PHF14: variants seen among roughly 807,000 people sequenced by gnomAD.
PHF14 encodes the protein PHD finger protein 14.
Under a neutral mutation model 117.9 loss-of-function variants are expected in PHF14, and 55 were observed. That is an observed-to-expected ratio of 0.47 (90% confidence interval 0.38 to 0.58). PHF14 has a LOEUF of 0.58. Among genes scored for constraint, PHF14 ranks in the 20% least tolerant of loss-of-function variants. The pLI, the probability that PHF14 is intolerant of heterozygous loss-of-function variation, is 0.00. For synonymous variants in PHF14, 409 were observed against 368.6 expected, an observed-to-expected ratio of 1.11 and a Z score of -1.26; for missense variants, 978 against 1,122.2, an observed-to-expected ratio of 0.87 and a Z score of 1.84.
chr7:11,091,044 G>A (rs1159148875), intron 16 of PHF14, among the ~76,000 whole-genome samples: 1 of 152,150 alleles, frequency 6.6e-6, no homozygotes, highest in African/African-American at 2.4e-5. Flanking sequence ...GTCCAATGGA[G>A]ATTTATTGAA....
chr7:10,989,427 A>G (rs1583334459), intron 3 of PHF14, among the ~76,000 whole-genome samples: 1 of 152,122 alleles, frequency 6.6e-6, no homozygotes, highest in Non-Finnish European at 1.5e-5. Flanking sequence ...ATTTCTGAAT[A>G]TTGTTAGGTT....
chr7:11,007,784 C>CT (rs895347428), intron 4 of PHF14, among the ~76,000 whole-genome samples: 8 of 151,824 alleles, frequency 5.3e-5, no homozygotes, highest in Admixed American at 1.3e-4. Context: ...CTTTTATCTC[C>CT]TTTTTTTTGA....
intron 6 of PHF14, among the ~76,000 whole-genome samples, chr7:11,023,264 A>G (rs1237427569): frequency 6.6e-6 from 1 of 152,190 alleles, no homozygotes; most frequent in African/African-American, 2.4e-5. Context: ...CCAAAACCTT[A>G]TTTACAATTA....
At chr7:11,006,451 A>C (rs1783100403) in intron 4 of PHF14, 1 of 534,218 alleles carries the variant, frequency 1.9e-6, no homozygotes, top group Admixed American at 1.9e-5. Flanking sequence ...ATCAGGAGCC[A>C]GTCGAACATA....
At chr7:11,028,649 G>T in intron 6 of PHF14, 32 bp from the exon 7 acceptor site, 1 of 1,609,140 alleles carries the variant, frequency 6.2e-7, no homozygotes, top group Middle Eastern at 1.7e-4. Context: ...AAATAAGTTT[G>T]CTTTGAGAAT....
chr7:11,131,338 GT>G (rs930003270), intron 17 of PHF14, among the ~76,000 whole-genome samples: 6 of 151,764 alleles, frequency 4.0e-5, no homozygotes, highest in Non-Finnish European at 8.8e-5. Context: ...TGCTGTCAGT[GT>G]TTTAGATTTT....
chr7:11,014,817 T>G (rs1295125788), intron 5 of PHF14: 2 of 152,080 alleles, frequency 1.3e-5, no homozygotes, highest in Non-Finnish European at 2.9e-5. Context: ...GTGTTCTTTT[T>G]ACTACATTCA....
chr7:11,111,462 TC>T lies in PHF14; in HGVS notation c.2769del (p.Lys924ArgfsTer40), dbSNP rs1271026801. 2.6e-6 allele frequency: 4 copies of T among 1,526,284 alleles called. No homozygotes were observed. Among genetic ancestry groups the T allele is most frequent in the Non-Finnish European group, 3.6e-6 (4 of 1,104,776 alleles). The allele number at this position is 1,526,284 out of a possible 1,614,324, so 94.5% of individuals were successfully genotyped here. A position where few individuals can be genotyped will look rare whatever the true frequency, so the allele number is the denominator to read the frequency against. Reference sequence around the variant, plus strand: ...ATGTCAGGAATGTGATTCTTCATCTTCCAAGGTAAGGGGAGAAGTCTATAAG... The same window carrying T: ...ATGTCAGGAATGTGATTCTTCATCTTCAAGGTAAGGGGAGAAGTCTATAAG... Reference protein sequence around the residue: ...WICQECDSSSSKEDENEAERK... With the variant: ...WICQECDSSSXKEDENEAERK... On this transcript the variant is annotated frameshift_variant, in exon 17 of 18. Transcript: ENST00000634607. LOFTEE classifies it high-confidence loss of function.
rs147851171 is a variant in PHF14, at chr7:11,072,658, A to G, written c.2654+10573A>G. 5.5e-4 allele frequency among the ~76,000 whole-genome samples: 83 copies of G among 152,078 alleles called. 2 individuals are homozygous for G. The East Asian group carries it at 0.011, about 20-fold the overall frequency. ...AATAACAGCAACTCTGATATAACAT[A>G]TATAGTGCTTATTGTGTTTGTCAGT... On this transcript the variant is annotated intron_variant, in intron 16 of 17. Coordinates refer to ENST00000634607, the MANE Select transcript of PHF14 (RefSeq NM_001007157.2).
At chr7:11,069,239 C>T (rs965414189) in intron 16 of PHF14, among the ~76,000 whole-genome samples, 1 of 152,030 alleles carries the variant, frequency 6.6e-6, no homozygotes, top group Non-Finnish European at 1.5e-5. Flanking sequence ...CCACACATAC[C>T]CTTGTACTTA....
chr7:11,163,713 G>A (rs1194319805), intron 17 of PHF14, among the ~76,000 whole-genome samples: 1 of 152,140 alleles, frequency 6.6e-6, no homozygotes, highest in Non-Finnish European at 1.5e-5. Flanking sequence ...ATTATCGTCA[G>A]TATTTTCCAG....
In PHF14 at chr7:11,042,127, CT is replaced by C. The variant is rs530791609; in HGVS notation, c.2181-552del. Among the ~76,000 whole-genome samples, 319 of 151,826 alleles carry C rather than the reference CT, an allele frequency of 2.1e-3. 2 individuals carry two copies. Among genetic ancestry groups the C allele is most frequent in the African/African-American group, 7.4e-3 (306 of 41,474 alleles). ...GATGTGTGCGTTTTTAATTTTTTTACTTTTGAATTTAATTAGTATATTTTTA... is the reference window on the plus strand; with the variant it reads ...GATGTGTGCGTTTTTAATTTTTTTACTTTGAATTTAATTAGTATATTTTTA... On this transcript the variant is annotated intron_variant, in intron 12 of 17. Transcript: ENST00000634607.
chr7:11,100,552 A>T (rs938015096), intron 16 of PHF14, among the ~76,000 whole-genome samples: 1 of 152,036 alleles, frequency 6.6e-6, no homozygotes, highest in African/African-American at 2.4e-5. Flanking sequence ...CTTCCCTTCC[A>T]GAAAAATACT....
chr7:11,009,035 CA>C (rs35700406), intron 4 of PHF14, among the ~76,000 whole-genome samples: 1,858 of 101,484 alleles, frequency 0.018, 17 homozygotes, highest in African/African-American at 0.067. Context: ...GACTCTGTCT[CA>C]AAAAAAAAAA....
intron 4 of PHF14, among the ~76,000 whole-genome samples, chr7:10,991,785 A>T (rs1681292): frequency 1.7e-5 from 2 of 120,182 alleles, no homozygotes; most frequent in Non-Finnish European, 3.3e-5. Flanking sequence ...TTTGGTAGAG[A>T]CAGGGTTTTG....
chr7:11,058,188 A>G (rs1490044233), intron 14 of PHF14, among the ~76,000 whole-genome samples: 1 of 152,230 alleles, frequency 6.6e-6, no homozygotes, highest in Non-Finnish European at 1.5e-5. Flanking sequence ...TATTCATCTG[A>G]GATGGGACAA....
intron 16 of PHF14, chr7:11,104,954 C>G (rs1181017088): frequency 6.4e-6 from 6 of 939,992 alleles, no homozygotes; most frequent in Non-Finnish European, 6.3e-6. Context: ...TAAAAGGTCC[C>G]TTAGATTTCC....
chr7:10,999,443 A>G (rs1782779875), intron 4 of PHF14, among the ~76,000 whole-genome samples: 1 of 151,682 alleles, frequency 6.6e-6, no homozygotes, highest in African/African-American at 2.4e-5. Context: ...CTCTTTTACT[A>G]TAGCTTTTAC....
At chr7:11,009,467 A>G (rs776780450) in intron 4 of PHF14, among the ~76,000 whole-genome samples, 118 of 151,686 alleles carry the variant, frequency 7.8e-4, no homozygotes, top group Non-Finnish European at 1.4e-3. Context: ...TGTGTTACCC[A>G]TTGGAAACAC....
Sources: gnomAD v4.1 joint callset for allele counts (sites outside exome capture counted in the v4.1 genomes callset) on GRCh38, gnomAD v4.1.1 for gene constraint, MANE v1.5 for transcripts, NCBI Gene and HGNC (gene_info 2026-07-23, HGNC 2026-07-21) for gene names.